Variants in CTIF observed in about 807,000 individuals in gnomAD.
CTIF encodes cap binding complex dependent translation initiation factor.
A neutral mutation model predicts 66.0 loss-of-function variants in CTIF; 21 were observed. That is an observed-to-expected ratio of 0.32 (90% CI 0.23 to 0.46). The LOEUF is 0.46. CTIF is among the 20% of genes least tolerant of loss of function. The pLI, the probability that CTIF is intolerant of heterozygous loss-of-function variation, is 1.00. For synonymous variants in CTIF, 345 were observed against 326.4 expected (o/e 1.06, Z -0.62); for missense variants, 739 against 812.7 (o/e 0.91, Z 1.10).
At chr18:48,552,978 T>C (rs757514013) in intron 1 of CTIF, among the ~76,000 whole-genome samples, 5 of 152,218 alleles carry the variant, frequency 3.3e-5, no homozygotes, top group African/African-American at 4.8e-5. Context: ...CCTCTCATTC[T>C]GAGGTTCCCA....
At chr18:48,818,742 C>T (rs1255069897) in intron 10 of CTIF, among the ~76,000 whole-genome samples, 1 of 152,010 alleles carries the variant, frequency 6.6e-6, no homozygotes, top group Non-Finnish European at 1.5e-5. Flanking sequence ...CCTCCCACCA[C>T]CGGCAGGCCT....
chr18:48,751,960 C>G (rs1007711741), intron 7 of CTIF, among the ~76,000 whole-genome samples: 19 of 149,662 alleles, frequency 1.3e-4, no homozygotes, highest in Admixed American at 1.3e-3. Context: ...TTCATTCATT[C>G]ATTCATTCAT....
At chr18:48,830,104 GCAGA>G (rs1450745944) in intron 10 of CTIF, among the ~76,000 whole-genome samples, 9 of 152,198 alleles carry the variant, frequency 5.9e-5, no homozygotes, top group African/African-American at 1.4e-4. Flanking sequence ...GGTTTCGGAG[GCAGA>G]CAGTCTTCTG....
intron 3 of CTIF, among the ~76,000 whole-genome samples, chr18:48,648,162 G>T (rs1446557361): frequency 1.3e-5 from 2 of 152,096 alleles, no homozygotes; most frequent in African/African-American, 4.8e-5. Context: ...AGCTGAGAGT[G>T]GGCAGAGGGT....
chr18:48,855,548 C>T (rs1481660862), intron 10 of CTIF, among the ~76,000 whole-genome samples: 1 of 152,216 alleles, frequency 6.6e-6, no homozygotes, highest in Admixed American at 6.5e-5. Context: ...TCGAGTTTGC[C>T]AGCAACAGAA....
rs2090827954 is a variant in CTIF at position 48,636,655 on chromosome 18, C to G, written c.222C>G (p.Ser74=). ...GCGAACCGCTGGACAGCAGCTGTTC[C>G]TTCTCCCGAGGGCGAGCCCCCCCAC... is the stretch of plus-strand genomic sequence containing the variant. ...DCSEPLDSSC[S]FSRGRAPPQQ... Residue 74 remains serine, a synonymous_variant, in exon 3 of 12, where the codon TCC becomes TCG. Transcript: ENST00000256413. 1 of 1,601,930 alleles carries G rather than the reference C, an allele frequency of 6.2e-7. No individual in the cohort carries two copies. The highest frequency in any genetic ancestry group is 1.7e-5 in the Admixed American group (1 of 58,072).
intron 9 of CTIF, among the ~76,000 whole-genome samples, chr18:48,806,519 A>G (rs1026740891): frequency 6.6e-6 from 1 of 152,182 alleles, no homozygotes; most frequent in Non-Finnish European, 1.5e-5. Flanking sequence ...TCATTTTCCA[A>G]GAGGGAGCCC....
chr18:48,664,909 C>CTT (rs368586647), intron 5 of CTIF, among the ~76,000 whole-genome samples: 2,772 of 62,082 alleles, frequency 0.045, 43 homozygotes, highest in Middle Eastern at 0.082. Context: ...GTGTTTCTTT[C>CTT]TTTTTTTTTT....
intron 10 of CTIF, among the ~76,000 whole-genome samples, chr18:48,817,851 TC>T (rs1312702045): frequency 1.3e-5 from 2 of 151,456 alleles, no homozygotes; most frequent in African/African-American, 4.9e-5. Context: ...CAAAGCCAGG[TC>T]TTTCTTCGTT....
rs186136765 is a variant in CTIF, at chr18:48,701,425, T to C, written c.508-10194T>C. 5.0e-4 allele frequency among the ~76,000 whole-genome samples: 76 copies of C among 152,276 alleles called. No individual in the cohort carries two copies. The Middle Eastern group carries it at 0.017, about 34-fold the overall frequency. Reference sequence around the variant, plus strand: ...ATGAACACCATGAGCCTAAGTGGCCTGTGTTCAAGTCTTTCCTGGGTTCAT... The same window carrying C: ...ATGAACACCATGAGCCTAAGTGGCCCGTGTTCAAGTCTTTCCTGGGTTCAT... On this transcript the variant is annotated intron_variant, in intron 6 of 11. Transcript: ENST00000256413.
chr18:48,540,549 G>T (rs2088584834), intron 1 of CTIF, among the ~76,000 whole-genome samples: 1 of 151,906 alleles, frequency 6.6e-6, no homozygotes, highest in African/African-American at 2.4e-5. Flanking sequence ...TTATCTGGGC[G>T]GCGTTGGCTC....
intron 1 of CTIF, among the ~76,000 whole-genome samples, chr18:48,554,681 G>C (rs901874435): frequency 1.3e-5 from 2 of 152,260 alleles, no homozygotes; most frequent in African/African-American, 2.4e-5. Flanking sequence ...GGTTTCCTGA[G>C]ATTTGCCTGA....
At chr18:48,826,679 A>G (rs756535368) in intron 10 of CTIF, 3 of 152,244 alleles carry the variant, frequency 2.0e-5, no homozygotes, top group Non-Finnish European at 4.4e-5. Context: ...GGGACAGGCT[A>G]GGTCTCATCT....
At chr18:48,636,171 C>G (rs903537219) in intron 2 of CTIF, among the ~76,000 whole-genome samples, 4 of 152,222 alleles carry the variant, frequency 2.6e-5, no homozygotes, top group African/African-American at 4.8e-5. Flanking sequence ...CCAAACCCAT[C>G]ATCTTTTGGA....
At chr18:48,787,413 ACT>A (rs1174257146) in intron 9 of CTIF, among the ~76,000 whole-genome samples, 6 of 151,732 alleles carry the variant, frequency 4.0e-5, no homozygotes, top group African/African-American at 1.2e-4. Context: ...GAGAGAGGAG[ACT>A]CACATCTCAG....
At chr18:48,815,917 C>A (rs2068353244) in intron 9 of CTIF, among the ~76,000 whole-genome samples, 1 of 115,310 alleles carries the variant, frequency 8.7e-6, no homozygotes, top group Admixed American at 9.7e-5. Context: ...CTTGGAGTCT[C>A]CCCTTTCCAT....
At chr18:48,676,751 G>A (rs2091636982) in intron 6 of CTIF, among the ~76,000 whole-genome samples, 2 of 151,848 alleles carry the variant, frequency 1.3e-5, no homozygotes, top group Admixed American at 6.6e-5. Context: ...CACGGGAGAT[G>A]GCTAAAGGAA....
At chr18:48,703,251 C>G (rs2092107091) in intron 6 of CTIF, among the ~76,000 whole-genome samples, 1 of 152,136 alleles carries the variant, frequency 6.6e-6, no homozygotes, top group South Asian at 2.1e-4. Context: ...TTCCAAGAGG[C>G]CAGGGCAGAG....
intron 1 of CTIF, among the ~76,000 whole-genome samples, chr18:48,591,088 G>A (rs1212712868): frequency 3.9e-5 from 6 of 152,206 alleles, no homozygotes; most frequent in African/African-American, 4.8e-5. Context: ...GGAAGTGTGG[G>A]AAGATGCTCC....
Sources: gnomAD v4.1 joint callset for allele counts (sites outside exome capture counted in the v4.1 genomes callset) on GRCh38, gnomAD v4.1.1 for gene constraint, MANE v1.5 for transcripts, NCBI Gene and HGNC (gene_info 2026-07-23, HGNC 2026-07-21) for gene names.